The following DCAKD variants were observed in gnomAD, a reference collection of about 807,000 sequenced individuals.
The protein encoded by DCAKD is dephospho-CoA kinase domain-containing protein.
Under a neutral mutation model 18.7 loss-of-function variants are expected in DCAKD, and 15 were observed. The observed-to-expected ratio is 0.80, with a 90% CI of 0.54 to 1.24. The LOEUF (loss-of-function observed/expected upper bound fraction) is 1.24, where lower values mean the gene tolerates loss of function less well. Among genes scored for constraint, DCAKD ranks in the 50% most tolerant of loss-of-function variants. DCAKD has a pLI of 0.00. For synonymous variants in DCAKD, 130 were observed against 133.0 expected (o/e 0.98, Z 0.16); for missense variants, 301 against 322.0 (o/e 0.93, Z 0.50).
chr17:45,025,173 G>A (rs773892782), intron 4 of DCAKD, among the ~76,000 whole-genome samples: 12 of 152,034 alleles, frequency 7.9e-5, no homozygotes, highest in East Asian at 1.9e-4. Flanking sequence ...TGAGCTAGAC[G>A]CTTCCTGCAG....
At chr17:45,047,593 G>A (rs1337637700) in intron 1 of DCAKD, among the ~76,000 whole-genome samples, 1 of 150,130 alleles carries the variant, frequency 6.7e-6, no homozygotes, top group Non-Finnish European at 1.5e-5. Flanking sequence ...GCAACCTCCG[G>A]CTCCCGGTTC....
intron 3 of DCAKD, chr17:45,032,210 T>A (rs988262008): frequency 6.6e-6 from 5 of 763,050 alleles, no homozygotes; most frequent in Admixed American, 6.3e-5. Context: ...TGGCACAACA[T>A]AGGAGGCAGC....
chr17:45,054,079 A>C (rs1372002099), upstream of DCAKD: 1 of 518,790 alleles, frequency 1.9e-6, no homozygotes, highest in Non-Finnish European at 3.8e-6. Flanking sequence ...TGACTTCAAC[A>C]GTCAAGGAGA....
intron 3 of DCAKD, chr17:45,031,243 T>A: frequency 1.0e-6 from 1 of 984,378 alleles, no homozygotes; most frequent in Non-Finnish European, 1.2e-6. Flanking sequence ...GGTGGGGGGG[T>A]GGCAATCTCA....
At chr17:45,054,820 G>A (rs928769524), upstream of DCAKD, among the ~76,000 whole-genome samples, 1 of 152,138 alleles carries the variant, frequency 6.6e-6, no homozygotes, top group Non-Finnish European at 1.5e-5. Flanking sequence ...ATAGGAACAG[G>A]CCTGGCCTGT....
upstream of DCAKD, among the ~76,000 whole-genome samples, chr17:45,054,698 TCAAA>T (rs1408291360): frequency 1.4e-4 from 21 of 152,262 alleles, 1 homozygote; most frequent in South Asian, 4.3e-3. Context: ...CCTTCCTTGA[TCAAA>T]CAATGTATAG....
rs768564793 is a variant in DCAKD at position 45,030,093 on chromosome 17, A to AGT, written c.401_402dup (p.Cys135ThrfsTer11). The AGT allele has an allele frequency of 4.3e-6, 7 of 1,613,158 alleles. No individual in the cohort carries two copies. Among genetic ancestry groups the AGT allele is most frequent in the Non-Finnish European group, 5.9e-6 (7 of 1,179,160 alleles). ...AGCCAGGGCATGCTACACACTCACC[A>AGT]GTATACTACCACGGTGTGCTTCATG... On this transcript the variant is annotated frameshift_variant and splice_region_variant, in exon 4 of 5. Transcript: ENST00000651974. LOFTEE classifies it high-confidence loss of function.
At chr17:45,044,409 C>A (rs780811330) in intron 1 of DCAKD, among the ~76,000 whole-genome samples, 4 of 152,146 alleles carry the variant, frequency 2.6e-5, no homozygotes, top group African/African-American at 9.7e-5. Context: ...CTGTGGCAAG[C>A]GGATGGGTGC....
upstream of DCAKD, among the ~76,000 whole-genome samples, chr17:45,054,657 T>C (rs1339702123): frequency 1.3e-5 from 2 of 152,172 alleles, no homozygotes; most frequent in Non-Finnish European, 2.9e-5. Context: ...TCTAATTCTA[T>C]TTTATAGAGC....
At chr17:45,026,765 C>T in intron 4 of DCAKD, 5 of 985,400 alleles carry the variant, frequency 5.1e-6, no homozygotes, top group Non-Finnish European at 3.6e-6. Flanking sequence ...GGCCAATACC[C>T]ACCTCGCTGA....
chr17:45,038,165 C>T (rs1325441114), intron 1 of DCAKD, among the ~76,000 whole-genome samples: 1 of 151,998 alleles, frequency 6.6e-6, no homozygotes, highest in African/African-American at 2.4e-5. Context: ...CAATCTCTGC[C>T]TCCTGGGTTC....
chr17:45,027,150 G>A (rs951205576), intron 4 of DCAKD, among the ~76,000 whole-genome samples: 2 of 152,084 alleles, frequency 1.3e-5, no homozygotes, highest in African/African-American at 4.8e-5. Context: ...AGACCAGCCT[G>A]GGCCACACAG....
intron 3 of DCAKD, chr17:45,031,036 G>A: frequency 2.0e-6 from 2 of 985,354 alleles, no homozygotes; most frequent in African/African-American, 1.7e-5. Flanking sequence ...AAGCTGGGAG[G>A]GCTCCAGGAG....
At chr17:45,036,384 C>T (rs528539090) in intron 1 of DCAKD, among the ~76,000 whole-genome samples, 58 of 152,222 alleles carry the variant, frequency 3.8e-4, no homozygotes, top group Non-Finnish European at 5.9e-4. Flanking sequence ...GGCCTGGTGG[C>T]GGGCGCCTGC....
intron 4 of DCAKD, among the ~76,000 whole-genome samples, chr17:45,026,115 C>T (rs1430676700): frequency 6.6e-6 from 1 of 151,980 alleles, no homozygotes; most frequent in Non-Finnish European, 1.5e-5. Flanking sequence ...GACGGGATTT[C>T]ACCATGTTGG....
intron 1 of DCAKD, among the ~76,000 whole-genome samples, chr17:45,037,461 AT>A (rs907147191): frequency 0.018 from 2,645 of 146,672 alleles, 83 homozygotes; most frequent in African/African-American, 0.058. Flanking sequence ...TCTAGAAAGA[AT>A]TTTTTTTTTT....
At chr17:45,024,873 G>T (rs2053021998) in intron 4 of DCAKD, 149 bp from the exon 5 acceptor site, 3 of 1,033,190 alleles carry the variant, frequency 2.9e-6, no homozygotes, top group Admixed American at 3.0e-5. Context: ...GCTACTTAGG[G>T]TCCCACAGCC....
chr17:45,035,499 A>G (rs1220693704), intron 1 of DCAKD, among the ~76,000 whole-genome samples: 2 of 151,698 alleles, frequency 1.3e-5, no homozygotes, highest in African/African-American at 4.8e-5. Context: ...AAAAAAAAAA[A>G]AAAGCAAACG....
At chr17:45,040,810 T>G (rs1264728288) in intron 1 of DCAKD, among the ~76,000 whole-genome samples, 1 of 152,178 alleles carries the variant, frequency 6.6e-6, no homozygotes, top group Non-Finnish European at 1.5e-5. Flanking sequence ...CAGATTCTAT[T>G]GTGCTCCACA....
Sources: gnomAD v4.1 joint callset for allele counts (sites outside exome capture counted in the v4.1 genomes callset) on GRCh38, gnomAD v4.1.1 for gene constraint, MANE v1.5 for transcripts, NCBI Gene and HGNC (gene_info 2026-07-23, HGNC 2026-07-21) for gene names.